The following RAD51B variants were observed in gnomAD, a reference collection of about 807,000 sequenced individuals.
The protein encoded by RAD51B is RAD51 paralog B.
A neutral mutation model predicts 42.2 loss-of-function variants in RAD51B; 38 were observed. That is an observed-to-expected ratio of 0.90 (90% CI 0.70 to 1.18). The LOEUF is 1.18. RAD51B is among the 50% of genes most tolerant of loss of function. The pLI, the probability that RAD51B is intolerant of heterozygous loss-of-function variation, is 0.00. For synonymous variants in RAD51B, 154 were observed against 145.2 expected (o/e 1.06, Z -0.43); for missense variants, 373 against 400.7 (o/e 0.93, Z 0.59).
chr14:67,895,929 A>C (rs2043400820), intron 7 of RAD51B, among the ~76,000 whole-genome samples: 1 of 151,918 alleles, frequency 6.6e-6, no homozygotes, highest in South Asian at 2.1e-4. Context: ...AGATTTTTGT[A>C]TCACTGTTTT....
chr14:68,359,991 T>G (rs910283421), intron 8 of RAD51B, among the ~76,000 whole-genome samples: 4 of 152,264 alleles, frequency 2.6e-5, no homozygotes, highest in African/African-American at 9.6e-5. Context: ...CAGCCTGGGC[T>G]GGGCTCCTTA....
At chr14:67,864,644 A>G (rs1407282545) in intron 4 of RAD51B, 1 of 290,528 alleles carries the variant, frequency 3.4e-6, no homozygotes. Context: ...TATTATAAAT[A>G]TCTTCATGAG....
intron 10 of RAD51B, among the ~76,000 whole-genome samples, chr14:68,626,990 G>C (rs2273486): frequency 0.23 from 34,767 of 151,994 alleles, 4,296 homozygotes; most frequent in South Asian, 0.35. Context: ...CTAGAAGAAG[G>C]TACTTCTTCA....
chr14:68,428,915 C>G (rs2084927482), intron 9 of RAD51B, among the ~76,000 whole-genome samples: 1 of 150,954 alleles, frequency 6.6e-6, no homozygotes, highest in South Asian at 2.1e-4. Context: ...CTCCCCCCAC[C>G]CCACGACAGG....
intron 7 of RAD51B, among the ~76,000 whole-genome samples, chr14:68,258,596 G>GT (rs1377117312): frequency 6.6e-6 from 1 of 152,016 alleles, no homozygotes; most frequent in Non-Finnish European, 1.5e-5. Flanking sequence ...AAGATGCTGG[G>GT]TTCATGACTA....
intron 7 of RAD51B, among the ~76,000 whole-genome samples, chr14:68,221,601 A>G (rs1327946167): frequency 6.6e-6 from 1 of 152,252 alleles, no homozygotes; most frequent in Non-Finnish European, 1.5e-5. Context: ...TAACATCAGA[A>G]AAACCCTTCT....
intron 7 of RAD51B, among the ~76,000 whole-genome samples, chr14:68,273,641 G>T (rs372125219): frequency 6.6e-6 from 1 of 152,146 alleles, no homozygotes; most frequent in South Asian, 2.1e-4. Context: ...GGCACACAGG[G>T]CTTCCTGGCA....
intron 10 of RAD51B, among the ~76,000 whole-genome samples, chr14:68,576,936 T>A (rs1245717760): frequency 6.6e-6 from 1 of 152,068 alleles, no homozygotes; most frequent in Non-Finnish European, 1.5e-5. Flanking sequence ...AGGAAAAAAA[T>A]GGTAGATGAA....
chr14:68,607,488 C>T (rs1896776816), intron 10 of RAD51B, among the ~76,000 whole-genome samples: 1 of 152,210 alleles, frequency 6.6e-6, no homozygotes, highest in African/African-American at 2.4e-5. Flanking sequence ...CTCCAGACCC[C>T]TCCCTTGCCA....
chr14:68,120,185 AT>A (rs2140626889), intron 7 of RAD51B, among the ~76,000 whole-genome samples: 2 of 151,626 alleles, frequency 1.3e-5, no homozygotes, highest in South Asian at 4.2e-4. Context: ...TTTCTTGTAA[AT>A]TTGTTTGAGT....
chr14:68,586,743 C>G (rs955120602), intron 10 of RAD51B, among the ~76,000 whole-genome samples: 5 of 152,190 alleles, frequency 3.3e-5, no homozygotes, highest in Non-Finnish European at 5.9e-5. Context: ...GGTGTTTCAC[C>G]CCTGTAATCC....
chr14:67,845,766 CAG>C (rs1253291235), intron 4 of RAD51B, among the ~76,000 whole-genome samples: 1 of 152,180 alleles, frequency 6.6e-6, no homozygotes, highest in Non-Finnish European at 1.5e-5. Context: ...TTCCAGCTTG[CAG>C]AGTTTCTGCT....
At chr14:68,575,694 C>T (rs1889932654) in intron 10 of RAD51B, among the ~76,000 whole-genome samples, 1 of 152,224 alleles carries the variant, frequency 6.6e-6, no homozygotes, top group Admixed American at 6.5e-5. Context: ...GCTTCAGGAG[C>T]AGCAGTCCCT....
intron 10 of RAD51B, among the ~76,000 whole-genome samples, chr14:68,579,975 G>A (rs1486895841): frequency 1.3e-5 from 2 of 152,218 alleles, no homozygotes; most frequent in East Asian, 3.8e-4. Context: ...GGGAGGGGGC[G>A]GTGCCCGCAA....
intron 7 of RAD51B, among the ~76,000 whole-genome samples, chr14:68,258,591 G>T (rs772687890): frequency 3.3e-5 from 5 of 152,088 alleles, no homozygotes; most frequent in Non-Finnish European, 7.4e-5. Flanking sequence ...ACTTAAAGAT[G>T]CTGGGTTCAT....
In RAD51B at chr14:68,028,403, C is replaced by G. The variant is rs149515691; in HGVS notation, c.756+141199C>G. Among the ~76,000 whole-genome samples, 4 of 152,288 alleles carry G rather than the reference C, an allele frequency of 2.6e-5. No individual in the cohort carries two copies. In the East Asian group the frequency reaches 5.8e-4, roughly 22 times the overall value. On this transcript the variant is annotated intron_variant, in intron 7 of 10. Coordinates refer to ENST00000471583, the MANE Select transcript of RAD51B (RefSeq NM_133510.4). ...ATAGGCCACACCCTTTCTATATTGA[C>G]CTTGCAGAGGGATGCATGCCCTGCT...
At chr14:68,118,823 TC>T (rs2077593705) in intron 7 of RAD51B, among the ~76,000 whole-genome samples, 2 of 152,078 alleles carry the variant, frequency 1.3e-5, no homozygotes, top group African/African-American at 4.8e-5. Context: ...GTGTGTGTGT[TC>T]ATTCATTTCA....
At chr14:67,879,197 AT>A (rs2042827246) in intron 5 of RAD51B, among the ~76,000 whole-genome samples, 2 of 152,252 alleles carry the variant, frequency 1.3e-5, no homozygotes, top group African/African-American at 4.8e-5. Context: ...GCTGTAGTCC[AT>A]AGGTGGAATT....
rs554853034 is a variant in RAD51B, at chr14:67,948,392, G to T, written c.756+61188G>T. Among the ~76,000 whole-genome samples, 4 of 152,250 alleles carry T rather than the reference G, an allele frequency of 2.6e-5. No individual in the cohort carries two copies. In the South Asian group the frequency reaches 8.3e-4, roughly 32 times the overall value. ...GACAGAGTAGAAATACTTGCAACAGGAATTGGGGTCTGGAGATATATGCAA... is the reference window on the plus strand; with the variant it reads ...GACAGAGTAGAAATACTTGCAACAGTAATTGGGGTCTGGAGATATATGCAA... On this transcript the variant is annotated intron_variant, in intron 7 of 10. Coordinates refer to ENST00000471583, the MANE Select transcript of RAD51B (RefSeq NM_133510.4).
Sources: gnomAD v4.1 joint callset for allele counts (sites outside exome capture counted in the v4.1 genomes callset) on GRCh38, gnomAD v4.1.1 for gene constraint, MANE v1.5 for transcripts, NCBI Gene and HGNC (gene_info 2026-07-23, HGNC 2026-07-21) for gene names.